TMEM132B: variants seen among roughly 807,000 people sequenced by gnomAD.
TMEM132B encodes transmembrane protein 132B.
A neutral mutation model predicts 90.8 loss-of-function variants in TMEM132B; 18 were observed. That is an observed-to-expected ratio of 0.20 (90% CI 0.14 to 0.29). The LOEUF (loss-of-function observed/expected upper bound fraction) is 0.29, where lower values mean the gene tolerates loss of function less well. Ranked by LOEUF, TMEM132B falls within the 10% of genes least tolerant of loss-of-function variation. The pLI is 1.00. For missense variants in TMEM132B, 1,096 were observed against 1,326.8 expected, an observed-to-expected ratio of 0.83 and a Z score of 2.70; for synonymous variants, 504 against 523.3, an observed-to-expected ratio of 0.96 and a Z score of 0.50.
intron 4 of TMEM132B, among the ~76,000 whole-genome samples, chr12:125,540,541 C>A (rs1883926772): frequency 6.6e-6 from 1 of 152,140 alleles, no homozygotes; most frequent in East Asian, 1.9e-4. Context: ...ATTAATTGAA[C>A]CTTCTATCAC....
intron 1 of TMEM132B, among the ~76,000 whole-genome samples, chr12:125,214,944 C>T (rs1873400855): frequency 1.3e-5 from 2 of 152,318 alleles, no homozygotes; most frequent in East Asian, 3.9e-4. Context: ...TGGGGCTTCG[C>T]CTCCCTCTGA....
intron 1 of TMEM132B, among the ~76,000 whole-genome samples, chr12:125,229,292 T>G (rs1873760469): frequency 1.3e-5 from 2 of 152,244 alleles, no homozygotes; most frequent in Admixed American, 1.3e-4. Context: ...TAACACTTGA[T>G]CCAGGACTTG....
chr12:125,656,697 C>CA lies in TMEM132B; in HGVS notation c.*1991dup, dbSNP rs887800549. The CA allele has an allele frequency of 1.8e-4, 28 of 152,202 alleles. No homozygotes were observed. Among genetic ancestry groups the CA allele is most frequent in the African/African-American group, 6.3e-4 (26 of 41,436 alleles). The allele number at this position is 152,202 out of a possible 1,614,324, so 9.4% of individuals were successfully genotyped here. ...TTTATGGGAAGATTCCTCAGTCAGC[C>CA]AAAAGCTTTTCAAAGAGTTTGGTGC... On this transcript the variant is annotated 3_prime_UTR_variant, in exon 9 of 9. Coordinates refer to ENST00000682704, the MANE Select transcript of TMEM132B (RefSeq NM_001366854.1).
At chr12:125,474,075 C>CCTTTA (rs1881798511) in intron 3 of TMEM132B, among the ~76,000 whole-genome samples, 1 of 142,068 alleles carries the variant, frequency 7.0e-6, no homozygotes, top group East Asian at 2.0e-4. Flanking sequence ...CCTTTCCTTT[C>CCTTTA]CTTTCCTTTC....
At chr12:125,354,884 T>TC (rs1331413226) in intron 2 of TMEM132B, among the ~76,000 whole-genome samples, 6 of 152,208 alleles carry the variant, frequency 3.9e-5, no homozygotes, top group African/African-American at 1.4e-4. Flanking sequence ...ATACATTCCC[T>TC]CACTGTGTTA....
At chr12:125,534,667 T>G (rs1221709866) in intron 4 of TMEM132B, among the ~76,000 whole-genome samples, 2 of 113,228 alleles carry the variant, frequency 1.8e-5, no homozygotes, top group Non-Finnish European at 3.9e-5. Context: ...TTATTATTAC[T>G]ATTACTACCA....
intron 3 of TMEM132B, among the ~76,000 whole-genome samples, chr12:125,468,601 A>G (rs1384214827): frequency 1.3e-5 from 2 of 152,208 alleles, no homozygotes; most frequent in Non-Finnish European, 2.9e-5. Flanking sequence ...GGGCTCTCTA[A>G]TCTGTTCCAT....
rs1880976810 is a variant in TMEM132B, at chr12:125,445,306, C to A, written c.1106+29629C>A. Among the ~76,000 whole-genome samples, 2 of 152,184 alleles carry A rather than the reference C, an allele frequency of 1.3e-5. No homozygotes were observed. The highest frequency in any genetic ancestry group is 4.8e-5 in the African/African-American group (2 of 41,430). On this transcript the variant is annotated intron_variant, in intron 3 of 8. Transcript: ENST00000682704. This position sits in a 1 kb window ranked among gnomAD's most constrained non-coding sequence, Gnocchi z 4.3. ...TGACCCTATCACTAGAGACCTTAGGCATAGAACCCCTTGCTGCCCCAGTCT... is the reference window on the plus strand; with the variant it reads ...TGACCCTATCACTAGAGACCTTAGGAATAGAACCCCTTGCTGCCCCAGTCT...
chr12:125,367,344 GT>G (rs1444030384), intron 2 of TMEM132B, among the ~76,000 whole-genome samples: 1 of 152,136 alleles, frequency 6.6e-6, no homozygotes, highest in African/African-American at 2.4e-5. Context: ...AATTAATTTT[GT>G]TGTAGTCAAA....
intron 3 of TMEM132B, among the ~76,000 whole-genome samples, chr12:125,518,136 G>A (rs1883214600): frequency 6.6e-6 from 1 of 152,130 alleles, no homozygotes; most frequent in African/African-American, 2.4e-5. Flanking sequence ...AATCAGGTCA[G>A]TGTGATTTCG....
intron 3 of TMEM132B, among the ~76,000 whole-genome samples, chr12:125,436,698 A>G (rs1880714846): frequency 6.6e-6 from 1 of 152,180 alleles, no homozygotes; most frequent in Non-Finnish European, 1.5e-5. Flanking sequence ...AGGCTCCAGA[A>G]CTTCAAGGGA....
intron 3 of TMEM132B, among the ~76,000 whole-genome samples, chr12:125,489,621 A>G (rs566718625): frequency 6.3e-4 from 96 of 152,194 alleles, no homozygotes; most frequent in Non-Finnish European, 9.9e-4. Flanking sequence ...TATGTTGTCT[A>G]GGCTGATCTT....
chr12:125,504,198 AG>A (rs1251233498), intron 3 of TMEM132B, among the ~76,000 whole-genome samples: 1 of 152,228 alleles, frequency 6.6e-6, no homozygotes, highest in African/African-American at 2.4e-5. Flanking sequence ...AAAATCTGCC[AG>A]GTGAGTGGAA....
intron 3 of TMEM132B, among the ~76,000 whole-genome samples, chr12:125,495,449 A>G (rs1000563992): frequency 6.6e-6 from 1 of 151,738 alleles, no homozygotes; most frequent in Non-Finnish European, 1.5e-5. Flanking sequence ...TTGTGACCCT[A>G]TTTCTTCCCC....
At chr12:125,320,916 A>G in intron 1 of TMEM132B, among the ~76,000 whole-genome samples, 1 of 152,118 alleles carries the variant, frequency 6.6e-6, no homozygotes, top group East Asian at 1.9e-4. Context: ...TTTTCAGCAG[A>G]CTCATTGGGT....
Position 125,505,195 on chromosome 12 carries a change from A to AAAAAAC in TMEM132B, c.1107-14244_1107-14243insAAAAAC, listed in dbSNP as rs1183847146. On this transcript the variant is annotated intron_variant, in intron 3 of 8. Transcript: ENST00000682704. ...AAAAAAAAAAAAAAAAAAAAAAAAA[A>AAAAAAC]CAGTAAGTGGGGACTTGTGCAAAGG... Among the ~76,000 whole-genome samples, 53 of 148,002 alleles carry AAAAAAC rather than the reference A, an allele frequency of 3.6e-4. 2 individuals carry two copies. Among genetic ancestry groups the AAAAAAC allele is most frequent in the Non-Finnish European group, 5.6e-4 (38 of 67,266 alleles).
chr12:125,424,857 G>A (rs1880269653), intron 3 of TMEM132B, among the ~76,000 whole-genome samples: 1 of 152,144 alleles, frequency 6.6e-6, no homozygotes, highest in Non-Finnish European at 1.5e-5. Flanking sequence ...AGGGGAGGAG[G>A]GTGAATGAGG....
At chr12:125,427,997 CTTTT>C (rs34770143) in intron 3 of TMEM132B, among the ~76,000 whole-genome samples, 1 of 146,386 alleles carries the variant, frequency 6.8e-6, no homozygotes. Flanking sequence ...ATGGAAAGTA[CTTTT>C]TTTTTTTTTT....
chr12:125,588,334 C>T (rs1209677862), intron 5 of TMEM132B: 1 of 152,168 alleles, frequency 6.6e-6, no homozygotes, highest in Non-Finnish European at 1.5e-5. Flanking sequence ...CCAAACTACT[C>T]CCTAATCCTT....
Sources: gnomAD v4.1 joint callset for allele counts (sites outside exome capture counted in the v4.1 genomes callset) on GRCh38, gnomAD v4.1.1 for gene constraint, Gnocchi (gnomAD v3.1) non-coding constraint, MANE v1.5 for transcripts, NCBI Gene and HGNC (gene_info 2026-07-23, HGNC 2026-07-21) for gene names.